The following CHRNA7 variants were observed in gnomAD, a reference collection of about 807,000 sequenced individuals.
The protein encoded by CHRNA7 is cholinergic receptor nicotinic alpha 7 subunit, also known as neuronal acetylcholine receptor subunit alpha-7.
Under a neutral mutation model 48.0 loss-of-function variants are expected in CHRNA7, and 17 were observed. The ratio of observed to expected loss-of-function variants is 0.35; its 90% CI spans 0.24 to 0.53. The LOEUF (loss-of-function observed/expected upper bound fraction) is 0.53. Among genes scored for constraint, CHRNA7 ranks in the 20% least tolerant of loss-of-function variants. The pLI, the probability that CHRNA7 is intolerant of heterozygous loss-of-function variation, is 0.92. For missense variants in CHRNA7, 155 were observed against 577.7 expected (o/e 0.27, Z 7.50); for synonymous variants, 75 against 242.3 (o/e 0.31, Z 6.41).
chr15:32,098,941 A>T (rs1418257329), intron 2 of CHRNA7: 1 of 149,938 alleles, frequency 6.7e-6, no homozygotes, highest in Non-Finnish European at 1.5e-5. Flanking sequence ...AGCAATATTA[A>T]TTTCCACTGC....
chr15:32,108,340 C>T (rs1034310161), intron 3 of CHRNA7, among the ~76,000 whole-genome samples: 2 of 152,188 alleles, frequency 1.3e-5, no homozygotes, highest in Non-Finnish European at 2.9e-5. Flanking sequence ...GAAGGAAGAG[C>T]ACACACTCCT....
At chr15:32,105,597 C>T (rs1011718216) in intron 3 of CHRNA7, among the ~76,000 whole-genome samples, 4 of 152,092 alleles carry the variant, frequency 2.6e-5, no homozygotes, top group African/African-American at 9.7e-5. Flanking sequence ...AGCTGGTGGT[C>T]AGATAGTAGA....
chr15:32,072,086 G>A (rs2050067040), intron 2 of CHRNA7, among the ~76,000 whole-genome samples: 1 of 152,172 alleles, frequency 6.6e-6, no homozygotes, highest in Non-Finnish European at 1.5e-5. Flanking sequence ...AATATGGACA[G>A]TGAAAACCAG....
At chr15:32,092,020 C>A (rs2050391488) in intron 2 of CHRNA7, among the ~76,000 whole-genome samples, 1 of 152,152 alleles carries the variant, frequency 6.6e-6, no homozygotes, top group Non-Finnish European at 1.5e-5. Context: ...TAACTAGTTT[C>A]TCTGTGTTGT....
At chr15:32,064,815 A>C (rs1428858269) in intron 2 of CHRNA7, among the ~76,000 whole-genome samples, 1 of 152,186 alleles carries the variant, frequency 6.6e-6, no homozygotes, top group Non-Finnish European at 1.5e-5. Flanking sequence ...ACCTATGCTC[A>C]TCATACAGAG....
chr15:32,136,536 A>T (rs1364544462), intron 4 of CHRNA7, among the ~76,000 whole-genome samples: 2 of 152,052 alleles, frequency 1.3e-5, no homozygotes, highest in South Asian at 2.1e-4. Flanking sequence ...AATACTGGAA[A>T]ATATAGCATG....
chr15:32,098,599 G>A (rs955481288), intron 2 of CHRNA7: 5 of 152,470 alleles, frequency 3.3e-5, no homozygotes, highest in African/African-American at 1.2e-4. Flanking sequence ...CTGGTGGTGG[G>A]AACCGAGGGA....
At chr15:32,056,464 G>T (rs2049790417) in intron 2 of CHRNA7, among the ~76,000 whole-genome samples, 1 of 152,152 alleles carries the variant, frequency 6.6e-6, no homozygotes, top group Non-Finnish European at 1.5e-5. Flanking sequence ...ATGCATGATT[G>T]TTTAACTGTA....
rs1342306271 is a variant in CHRNA7 at position 32,051,741 on chromosome 15, T to C, written c.195+20704T>C. Among the ~76,000 whole-genome samples, 7 of 152,216 alleles carry C rather than the reference T, an allele frequency of 4.6e-5. No homozygotes were observed. In the East Asian group the frequency reaches 1.3e-3, roughly 29 times the overall value. Reference sequence around the variant, plus strand: ...ATGCAGGAATCACCCGTCTTCTGCATTGCTCAGGCTGGGAGCTGTAGACCG... The same window carrying C: ...ATGCAGGAATCACCCGTCTTCTGCACTGCTCAGGCTGGGAGCTGTAGACCG... On this transcript the variant is annotated intron_variant, in intron 2 of 9. Transcript: ENST00000306901.
intron 2 of CHRNA7, among the ~76,000 whole-genome samples, chr15:32,086,185 T>A (rs867974679): frequency 7.2e-5 from 11 of 151,800 alleles, no homozygotes; most frequent in Non-Finnish European, 1.5e-4. Context: ...CTGGCTAACA[T>A]GGTGAAACCC....
chr15:32,148,540 C>T (rs2051541615), intron 4 of CHRNA7, among the ~76,000 whole-genome samples: 2 of 152,186 alleles, frequency 1.3e-5, no homozygotes, highest in East Asian at 3.9e-4. Context: ...GACCAGGCAC[C>T]ATTGTGTGAG....
At chr15:32,060,346 G>A (rs566443164) in intron 2 of CHRNA7, among the ~76,000 whole-genome samples, 7 of 152,160 alleles carry the variant, frequency 4.6e-5, no homozygotes, top group Non-Finnish European at 1.0e-4. Flanking sequence ...ACCTGTGTGT[G>A]TGTGTGCACG....
intron 2 of CHRNA7, among the ~76,000 whole-genome samples, chr15:32,071,472 A>G (rs2050056922): frequency 6.6e-6 from 1 of 152,196 alleles, no homozygotes; most frequent in African/African-American, 2.4e-5. Flanking sequence ...TCAAGTACAC[A>G]CTTCGTTAGA....
intron 9 of CHRNA7, chr15:32,166,615 A>C (rs957906420): frequency 2.6e-5 from 4 of 151,484 alleles, no homozygotes; most frequent in African/African-American, 9.8e-5. Context: ...AAAGATAGGA[A>C]ATAAACCTGT....
intron 4 of CHRNA7, among the ~76,000 whole-genome samples, chr15:32,147,454 G>A (rs757795547): frequency 2.4e-4 from 37 of 152,354 alleles, no homozygotes; most frequent in African/African-American, 8.7e-4. Flanking sequence ...CCAGGAGGCT[G>A]AGGAAGGCGG....
chr15:32,071,827 CT>C (rs60459993), intron 2 of CHRNA7, among the ~76,000 whole-genome samples: 125,696 of 147,630 alleles, frequency 0.85, 54,760 homozygotes, highest in Non-Finnish European at 0.95. Context: ...AAATAAGCCT[CT>C]TTTTTTTTTT....
intron 3 of CHRNA7, among the ~76,000 whole-genome samples, chr15:32,103,594 A>G (rs975990834): frequency 3.3e-5 from 5 of 151,998 alleles, no homozygotes; most frequent in African/African-American, 9.7e-5. Context: ...ATCCCTTGCC[A>G]CCTACTCTAG....
At chr15:32,037,702 A>G (rs543762399) in intron 2 of CHRNA7, among the ~76,000 whole-genome samples, 62 of 152,220 alleles carry the variant, frequency 4.1e-4, no homozygotes, top group African/African-American at 1.4e-3. Flanking sequence ...GTCAAATTCT[A>G]CTTGTTAATT....
At chr15:32,096,612 CTT>C (rs200404290) in intron 2 of CHRNA7, among the ~76,000 whole-genome samples, 2 of 143,756 alleles carry the variant, frequency 1.4e-5, no homozygotes. Flanking sequence ...TATGTTTTTG[CTT>C]TTTTTTTTTT....
Sources: allele counts gnomAD v4.1 joint callset (sites outside exome capture counted in the v4.1 genomes callset), GRCh38; gene constraint gnomAD v4.1.1; transcripts MANE v1.5; gene names NCBI Gene and HGNC (gene_info 2026-07-23, HGNC 2026-07-21).